FARS2: variants seen among roughly 807,000 people sequenced by gnomAD.
FARS2 encodes the protein phenylalanine--tRNA ligase, mitochondrial.
Under a neutral mutation model 46.4 loss-of-function variants are expected in FARS2, and 40 were observed. The ratio of observed to expected loss-of-function variants is 0.86; its 90% CI spans 0.67 to 1.12. The LOEUF is 1.12. FARS2 is among the 50% of genes most tolerant of loss of function. The pLI is 0.00. For synonymous variants in FARS2, 234 were observed against 214.9 expected (o/e 1.09, Z -0.78); for missense variants, 513 against 567.9 (o/e 0.90, Z 0.98).
intron 6 of FARS2, among the ~76,000 whole-genome samples, chr6:5,726,801 T>G (rs1760293497): frequency 6.6e-6 from 1 of 152,190 alleles, no homozygotes; most frequent in Admixed American, 6.5e-5. Flanking sequence ...TCTCTAGGAA[T>G]GGAAATTCCC....
intron 1 of FARS2, among the ~76,000 whole-genome samples, chr6:5,325,174 C>T (rs1770276658): frequency 6.6e-6 from 1 of 152,232 alleles, no homozygotes; most frequent in Non-Finnish European, 1.5e-5. Context: ...CCCTCACCCC[C>T]TTGTAAGCTG....
chr6:5,269,472 G>T lies in FARS2; in HGVS notation c.-22+7812G>T, dbSNP rs1487550797. On this transcript the variant is annotated intron_variant, in intron 1 of 6. Coordinates refer to ENST00000274680, the MANE Select transcript of FARS2 (RefSeq NM_006567.5). ...CTTAAAGTATAATAAAAAAAAAAATGAAAATAACCAAAAAAAAAAAAAGAG... is the reference window on the plus strand; with the variant it reads ...CTTAAAGTATAATAAAAAAAAAAATTAAAATAACCAAAAAAAAAAAAAGAG... Among the ~76,000 whole-genome samples the T allele has an allele frequency of 2.9e-4, 41 of 139,506 alleles. 1 individual carries two copies. In the South Asian group the frequency reaches 9.3e-3, roughly 32 times the overall value. 91.5% of individuals were successfully genotyped at this position (139,506 alleles called of 152,430 possible). A position where few individuals can be genotyped will look rare whatever the true frequency, so the allele number is the denominator to read the frequency against.
chr6:5,648,922 A>G (rs1561776376), intron 6 of FARS2, among the ~76,000 whole-genome samples: 1 of 152,204 alleles, frequency 6.6e-6, no homozygotes, highest in Non-Finnish European at 1.5e-5. Context: ...GTAGGCGCTC[A>G]GTAAATAGTT....
intron 5 of FARS2, among the ~76,000 whole-genome samples, chr6:5,551,196 T>A (rs1329525013): frequency 1.3e-5 from 2 of 152,222 alleles, no homozygotes; most frequent in Non-Finnish European, 2.9e-5. Context: ...AAGTTTTGCT[T>A]TCCACTTCCA....
At chr6:5,286,468 G>A (rs754988700) in intron 1 of FARS2, among the ~76,000 whole-genome samples, 1 of 152,094 alleles carries the variant, frequency 6.6e-6, no homozygotes, top group African/African-American at 2.4e-5. Flanking sequence ...TCTACATGTT[G>A]CCCAGACTGT....
intron 6 of FARS2, among the ~76,000 whole-genome samples, chr6:5,653,985 T>C (rs887350474): frequency 6.6e-6 from 1 of 152,200 alleles, no homozygotes; most frequent in Non-Finnish European, 1.5e-5. Flanking sequence ...TCTTGGAGTT[T>C]GGCTGGCATG....
At chr6:5,346,911 G>GTTT (rs35923995) in intron 1 of FARS2, among the ~76,000 whole-genome samples, 1 of 145,136 alleles carries the variant, frequency 6.9e-6, no homozygotes, top group Non-Finnish European at 1.5e-5. Context: ...CATTCATTAG[G>GTTT]TTTTTTTTTT....
At chr6:5,335,245 A>C (rs377030073) in intron 1 of FARS2, among the ~76,000 whole-genome samples, 11 of 152,180 alleles carry the variant, frequency 7.2e-5, no homozygotes, top group African/African-American at 2.7e-4. Context: ...ATCCGTTTCA[A>C]TTCTGCTCCC....
At chr6:5,501,664 T>C (rs1484743714) in intron 4 of FARS2, among the ~76,000 whole-genome samples, 1 of 152,032 alleles carries the variant, frequency 6.6e-6, no homozygotes, top group Non-Finnish European at 1.5e-5. Context: ...CCATCTAATT[T>C]TTGTATTTTT....
intron 6 of FARS2, among the ~76,000 whole-genome samples, chr6:5,624,864 C>G (rs1211944929): frequency 6.7e-6 from 1 of 150,134 alleles, no homozygotes; most frequent in Non-Finnish European, 1.5e-5. Flanking sequence ...ATGAGTGACA[C>G]TCTGAATTGT....
chr6:5,469,916 C>T (rs1419208075), intron 4 of FARS2, among the ~76,000 whole-genome samples: 1 of 152,184 alleles, frequency 6.6e-6, no homozygotes, highest in Non-Finnish European at 1.5e-5. Context: ...ACACAAGATA[C>T]TTACCTCTCT....
At chr6:5,769,573 A>G (rs1205888032) in intron 6 of FARS2, among the ~76,000 whole-genome samples, 1 of 152,220 alleles carries the variant, frequency 6.6e-6, no homozygotes, top group Non-Finnish European at 1.5e-5. Context: ...TCCCCACCCC[A>G]GAGGAATGTC....
intron 4 of FARS2, among the ~76,000 whole-genome samples, chr6:5,432,720 A>G (rs1332113635): frequency 1.3e-5 from 2 of 151,562 alleles, no homozygotes; most frequent in Non-Finnish European, 2.9e-5. Context: ...GCTCTGAGTC[A>G]GGGTTCACCG....
chr6:5,583,760 G>A lies in FARS2; in HGVS notation c.1066-29409G>A, dbSNP rs575697402. Among the ~76,000 whole-genome samples, 3 of 152,294 alleles carry A rather than the reference G, an allele frequency of 2.0e-5. No homozygotes were observed. The East Asian group carries it at 5.8e-4, about 29-fold the overall frequency. ...CAGGACTCTGAAAGTAAGTGAGGAA[G>A]CCAGGTTAAACCCAGGCAGTCTGGT... On this transcript the variant is annotated intron_variant, in intron 5 of 6. Transcript: ENST00000274680.
intron 1 of FARS2, among the ~76,000 whole-genome samples, chr6:5,367,230 A>G (rs928094979): frequency 2.6e-5 from 4 of 152,258 alleles, no homozygotes; most frequent in Admixed American, 6.5e-5. Context: ...TTGCTAATGC[A>G]GCTTCATATC....
At chr6:5,580,321 GAGGA>G (rs796597040) in intron 5 of FARS2, among the ~76,000 whole-genome samples, 26 of 150,890 alleles carry the variant, frequency 1.7e-4, no homozygotes, top group East Asian at 5.8e-4. Context: ...AGGAGGGAGG[GAGGA>G]AGGAAGGAAG....
chr6:5,531,416 C>G (rs970363114), intron 4 of FARS2, among the ~76,000 whole-genome samples: 4 of 152,170 alleles, frequency 2.6e-5, no homozygotes, highest in Admixed American at 2.0e-4. Context: ...TATTAAACTC[C>G]AGAGAACCAA....
At chr6:5,600,678 C>T (rs190803531) in intron 5 of FARS2, among the ~76,000 whole-genome samples, 24 of 152,054 alleles carry the variant, frequency 1.6e-4, no homozygotes, top group Non-Finnish European at 2.5e-4. Flanking sequence ...GATAAGAACA[C>T]GATCGCATGG....
At chr6:5,677,748 C>T (rs1012502050) in intron 6 of FARS2, among the ~76,000 whole-genome samples, 3 of 152,182 alleles carry the variant, frequency 2.0e-5, no homozygotes, top group Non-Finnish European at 2.9e-5. Flanking sequence ...GTTCATTTCT[C>T]ACACATATAG....
Sources: allele counts gnomAD v4.1 joint callset (sites outside exome capture counted in the v4.1 genomes callset), GRCh38; gene constraint gnomAD v4.1.1; transcripts MANE v1.5; gene names NCBI Gene and HGNC (gene_info 2026-07-23, HGNC 2026-07-21).